Variants in NCALD observed in about 807,000 individuals in gnomAD.
NCALD encodes neurocalcin-delta.
NCALD carries 10 observed loss-of-function variants against 18.6 expected under a neutral mutation model. The ratio of observed to expected loss-of-function variants is 0.54; its 90% CI spans 0.33 to 0.91. The LOEUF (loss-of-function observed/expected upper bound fraction) is 0.91, where lower values mean the gene tolerates loss of function less well. Ranked by LOEUF, NCALD falls within the 40% of genes least tolerant of loss-of-function variation. The pLI, the probability that NCALD is intolerant of heterozygous loss-of-function variation, is 0.03. For missense variants in NCALD, 184 were observed against 247.6 expected (o/e 0.74, Z 1.72); for synonymous variants, 88 against 87.4 (o/e 1.01, Z -0.04).
rs1175021011 is a variant in NCALD, at chr8:101,988,172, A to G, written c.-157+32065T>C. Among the ~76,000 whole-genome samples, 300 of 151,548 alleles carry G rather than the reference A, an allele frequency of 2.0e-3. 1 individual carries two copies. Among genetic ancestry groups the G allele is most frequent in the Non-Finnish European group, 3.5e-3 (239 of 67,864 alleles). Reference sequence around the variant, plus strand: ...TCCGTCTCAAAAAAAAAAAAAGAAAAAAAAAAAGAAAAGAAAAGAAAAAAA... The same window carrying G: ...TCCGTCTCAAAAAAAAAAAAAGAAAGAAAAAAAGAAAAGAAAAGAAAAAAA... On this transcript the variant is annotated intron_variant, in intron 2 of 6. Transcript: ENST00000311028.
intron 1 of NCALD, among the ~76,000 whole-genome samples, chr8:102,103,370 G>T (rs1825349157): frequency 6.6e-6 from 1 of 152,042 alleles, no homozygotes; most frequent in Non-Finnish European, 1.5e-5. Flanking sequence ...TCTCTTAAAA[G>T]AGAGAATAAT....
intron 3 of NCALD, among the ~76,000 whole-genome samples, chr8:101,895,393 C>A (rs1249530784): frequency 6.7e-6 from 1 of 149,306 alleles, no homozygotes; most frequent in African/African-American, 2.5e-5. Context: ...TATGACAAAC[C>A]CACAGCCAAT....
At chr8:102,030,647 G>A (rs1373350009) in intron 1 of NCALD, among the ~76,000 whole-genome samples, 1 of 152,120 alleles carries the variant, frequency 6.6e-6, no homozygotes, top group African/African-American at 2.4e-5. Context: ...TTTCGGAGTT[G>A]GGCGGATCAC....
At chr8:101,893,137 G>T (rs575181814) in intron 3 of NCALD, among the ~76,000 whole-genome samples, 120 of 151,920 alleles carry the variant, frequency 7.9e-4, no homozygotes, top group South Asian at 2.1e-3. Flanking sequence ...CCCACAAAGG[G>T]AAGCCCATCA....
At chr8:101,885,201 C>T (rs956125608) in intron 4 of NCALD, among the ~76,000 whole-genome samples, 3 of 152,122 alleles carry the variant, frequency 2.0e-5, no homozygotes, top group Non-Finnish European at 1.5e-5. Flanking sequence ...GGCTAAAGAG[C>T]GATATCCAAA....
At chr8:101,981,974 ATGAG>A (rs59003498) in intron 2 of NCALD, among the ~76,000 whole-genome samples, 3 of 152,176 alleles carry the variant, frequency 2.0e-5, no homozygotes, top group African/African-American at 7.2e-5. Context: ...CCTTGTGATA[ATGAG>A]TGAGTTCTCC....
intron 4 of NCALD, among the ~76,000 whole-genome samples, chr8:101,879,442 G>A (rs977664272): frequency 1.4e-4 from 21 of 152,080 alleles, no homozygotes. Context: ...GGTCTCGCTG[G>A]CCTCAAAAGT....
At chr8:101,787,266 C>T (rs7830291) in intron 1 of NCALD, among the ~76,000 whole-genome samples, 97,304 of 152,040 alleles carry the variant, frequency 0.64, 33,205 homozygotes, top group Non-Finnish European at 0.76. Context: ...TATCAAGTTG[C>T]TAGAGACTCA....
At chr8:101,800,469 G>A (rs1048949351) in intron 4 of NCALD, among the ~76,000 whole-genome samples, 8 of 151,484 alleles carry the variant, frequency 5.3e-5, no homozygotes, top group Admixed American at 5.3e-4. Context: ...GAGGAAAAAA[G>A]AGCAATAAAT....
intron 2 of NCALD, among the ~76,000 whole-genome samples, chr8:101,929,118 C>A (rs2131689565): frequency 1.3e-5 from 2 of 151,354 alleles, no homozygotes; most frequent in African/African-American, 4.9e-5. Context: ...CTTATTTAAT[C>A]CATCATATAC....
chr8:101,881,549 T>C (rs1048930080), intron 4 of NCALD, among the ~76,000 whole-genome samples: 14 of 152,194 alleles, frequency 9.2e-5, no homozygotes, highest in African/African-American at 3.4e-4. Flanking sequence ...TAAATGTGCC[T>C]CATTTATGTC....
At chr8:101,715,083 GGCATGGTAC>G (rs1563686796) in intron 2 of NCALD, among the ~76,000 whole-genome samples, 1 of 151,068 alleles carries the variant, frequency 6.6e-6, no homozygotes, top group African/African-American at 2.4e-5. Context: ...TAACCAAAAC[GGCATGGTAC>G]TAGTACCAAA....
At chr8:102,121,413 A>G (rs1825940901) in intron 1 of NCALD, among the ~76,000 whole-genome samples, 2 of 152,194 alleles carry the variant, frequency 1.3e-5, no homozygotes, top group South Asian at 4.1e-4. Context: ...CCTGAGTCAG[A>G]AAAGTACCCT....
At position 101,738,612 on chromosome 8, in the gene NCALD, C is replaced by T. The variant is rs568644382; in HGVS notation, c.-19-18964G>A. Among the ~76,000 whole-genome samples, 128 of 150,160 alleles carry T rather than the reference C, an allele frequency of 8.5e-4. 1 individual carries two copies. Among genetic ancestry groups the T allele is most frequent in the Admixed American group, 5.5e-3 (83 of 15,092 alleles). ...AAAAAAGAAAATATCACCTAGAACA[C>T]GGAACGCCAAAAAACGCTATCTGCG... On this transcript the variant is annotated intron_variant, in intron 1 of 3. Coordinates refer to ENST00000220931, the MANE Select transcript of NCALD (RefSeq NM_032041.3).
intron 1 of NCALD, among the ~76,000 whole-genome samples, chr8:101,786,954 A>G (rs1423454218): frequency 2.6e-5 from 4 of 152,190 alleles, no homozygotes; most frequent in African/African-American, 9.6e-5. Context: ...TTCACTACTG[A>G]GATAAAAAGG....
intron 1 of NCALD, among the ~76,000 whole-genome samples, chr8:101,772,081 T>A (rs1811605563): frequency 6.6e-6 from 1 of 152,154 alleles, no homozygotes; most frequent in Admixed American, 6.5e-5. Context: ...GAGACTAGAC[T>A]TGGGTCTAGC....
chr8:101,801,961 C>G (rs1482129654), intron 4 of NCALD, among the ~76,000 whole-genome samples: 1 of 152,014 alleles, frequency 6.6e-6, no homozygotes, highest in Non-Finnish European at 1.5e-5. Flanking sequence ...CCACCGCGCC[C>G]GGCCAGCATA....
intron 2 of NCALD, among the ~76,000 whole-genome samples, chr8:102,018,312 T>C (rs1267145858): frequency 1.3e-5 from 2 of 152,230 alleles, no homozygotes; most frequent in East Asian, 3.8e-4. Flanking sequence ...GTAGCAGCTT[T>C]ATTCCTAGTA....
intron 4 of NCALD, among the ~76,000 whole-genome samples, chr8:101,816,987 T>C (rs1420073100): frequency 6.6e-6 from 1 of 152,036 alleles, no homozygotes; most frequent in Non-Finnish European, 1.5e-5. Flanking sequence ...AAAAACGAAA[T>C]CAGCACATCC....
Sources: allele counts gnomAD v4.1 joint callset (sites outside exome capture counted in the v4.1 genomes callset), GRCh38; gene constraint gnomAD v4.1.1; transcripts MANE v1.5; gene names NCBI Gene and HGNC (gene_info 2026-07-23, HGNC 2026-07-21).